Variants in SPMAP2L observed in about 807,000 individuals in gnomAD.
The protein encoded by SPMAP2L is sperm microtubule associated protein 2-like.
At chr4:56,601,703 A>G in the SPMAP2L span, among the ~76,000 whole-genome samples, 1 of 152,178 alleles carries the variant, frequency 6.6e-6, no homozygotes, top group African/African-American at 2.4e-5. Context: ...GTTTGAAGTT[A>G]CAGTGAGCTA....
chr4:56,603,106 G>A, the SPMAP2L span: 35 of 639,170 alleles, frequency 5.5e-5, no homozygotes, highest in Middle Eastern at 2.8e-4. Flanking sequence ...AAAATAAAAT[G>A]GGATAATATC....
the SPMAP2L span, among the ~76,000 whole-genome samples, chr4:56,592,075 A>G: frequency 6.6e-6 from 1 of 152,194 alleles, no homozygotes; most frequent in South Asian, 2.1e-4. Flanking sequence ...AGTGACCATC[A>G]CTACCTGAGT....
the SPMAP2L span, chr4:56,559,593 A>T: frequency 2.2e-6 from 3 of 1,344,014 alleles, no homozygotes; most frequent in Non-Finnish European, 2.9e-6. Flanking sequence ...TTTGAGACAG[A>T]GTCTCACACT....
At chr4:56,557,266 AAAAAAG>A in the SPMAP2L span, among the ~76,000 whole-genome samples, 22 of 144,930 alleles carry the variant, frequency 1.5e-4, 1 homozygote, top group South Asian at 6.6e-4. Flanking sequence ...TCAAAAAAAA[AAAAAAG>A]AAAAGAAAAG....
the SPMAP2L span, among the ~76,000 whole-genome samples, chr4:56,576,375 G>T: frequency 1.3e-5 from 2 of 152,338 alleles, no homozygotes; most frequent in South Asian, 4.1e-4. Context: ...TTGACATCTG[G>T]AAGAGGAAGA....
the SPMAP2L span, among the ~76,000 whole-genome samples, chr4:56,609,209 A>T: frequency 6.6e-6 from 1 of 151,516 alleles, no homozygotes; most frequent in Non-Finnish European, 1.5e-5. Context: ...CGCCAGACTA[A>T]TTTTTGTATT....
the SPMAP2L span, chr4:56,575,496 A>G: frequency 6.5e-7 from 1 of 1,533,494 alleles, no homozygotes; most frequent in Non-Finnish European, 8.7e-7. Context: ...TCTCTTCTAC[A>G]ACTTGCAGGG....
chr4:56,585,985 G>A, the SPMAP2L span, among the ~76,000 whole-genome samples: 2 of 152,260 alleles, frequency 1.3e-5, no homozygotes, highest in African/African-American at 4.8e-5. Context: ...AAACTTAGTG[G>A]CATAAAACAA....
the SPMAP2L span, among the ~76,000 whole-genome samples, chr4:56,569,923 T>G: frequency 1.3e-5 from 2 of 152,230 alleles, no homozygotes; most frequent in Non-Finnish European, 2.9e-5. Context: ...TTAAAAATAT[T>G]ACCATTTGTA....
chr4:56,571,676 A>G, the SPMAP2L span, among the ~76,000 whole-genome samples: 2 of 152,060 alleles, frequency 1.3e-5, no homozygotes, highest in African/African-American at 4.8e-5. Context: ...TAAGACCCCC[A>G]TCTCTAAAAA....
the SPMAP2L span, among the ~76,000 whole-genome samples, chr4:56,585,602 A>C: frequency 1.3e-5 from 2 of 152,184 alleles, no homozygotes; most frequent in Non-Finnish European, 2.9e-5. Flanking sequence ...TTGACCTCCC[A>C]AAATGCTGGG....
the SPMAP2L span, among the ~76,000 whole-genome samples, chr4:56,597,926 G>A: frequency 2.2e-4 from 34 of 152,006 alleles, no homozygotes; most frequent in African/African-American, 7.7e-4. Flanking sequence ...GCAGCAGCAC[G>A]ATCATGGCTC....
chr4:56,552,440 C>G, the SPMAP2L span: 1 of 659,312 alleles, frequency 1.5e-6, no homozygotes, highest in Admixed American at 2.3e-5. Flanking sequence ...ACATCAAATA[C>G]AGCATTGGTT....
At chr4:56,531,061 A>G in the SPMAP2L span, 220 of 1,535,194 alleles carry the variant, frequency 1.4e-4, 1 homozygote, top group Non-Finnish European at 1.9e-4. Flanking sequence ...TGAGCCCCGC[A>G]AGTCCCGCGA....
chr4:56,590,657 A>G, the SPMAP2L span, among the ~76,000 whole-genome samples: 2 of 152,212 alleles, frequency 1.3e-5, no homozygotes, highest in African/African-American at 4.8e-5. Flanking sequence ...TGAAAATTAC[A>G]TTAAGGAAAG....
chr4:56,531,004 C>T, the SPMAP2L span: 4 of 1,535,440 alleles, frequency 2.6e-6, no homozygotes, highest in Admixed American at 2.0e-5. Context: ...CCATGCAGCC[C>T]CCAAACTCCT....
At chr4:56,580,539 G>A in the SPMAP2L span, among the ~76,000 whole-genome samples, 6 of 151,834 alleles carry the variant, frequency 4.0e-5, no homozygotes, top group Non-Finnish European at 5.9e-5. Context: ...AAGACTGAAC[G>A]CTTTACCCCT....
chr4:56,537,984 T>C, the SPMAP2L span, among the ~76,000 whole-genome samples: 14 of 152,136 alleles, frequency 9.2e-5, no homozygotes, highest in South Asian at 4.1e-4. Context: ...TGAGCCACCG[T>C]GCCTAGCTTC....
At chr4:56,595,470 C>A in the SPMAP2L span, 4 of 1,599,000 alleles carry the variant, frequency 2.5e-6, no homozygotes, top group Non-Finnish European at 2.6e-6. Context: ...AGGGCCGCAT[C>A]GACCCCAGGG....
Sources: allele counts gnomAD v4.1 joint callset (sites outside exome capture counted in the v4.1 genomes callset), GRCh38; gene constraint gnomAD v4.1.1; transcripts MANE v1.5; gene names NCBI Gene and HGNC (gene_info 2026-07-23, HGNC 2026-07-21).